Variants in NRG3 observed in about 807,000 individuals in gnomAD.
The protein encoded by NRG3 is pro-neuregulin-3, membrane-bound isoform.
Under a neutral mutation model 66.9 loss-of-function variants are expected in NRG3, and 31 were observed. That is an observed-to-expected ratio of 0.46 (90% CI 0.35 to 0.63). NRG3 has a LOEUF of 0.63. Ranked by LOEUF, NRG3 falls within the 20% of genes least tolerant of loss-of-function variation. The probability of loss-of-function intolerance (pLI) is 0.00; values close to 1 mark genes in which losing one functional copy is unlikely to be tolerated. For missense variants in NRG3, 910 were observed against 878.9 expected (o/e 1.04, Z -0.45); for synonymous variants, 393 against 359.4 (o/e 1.09, Z -1.06).
rs752583872 is a variant in NRG3, at chr10:82,339,558, G to A, written c.824-19181G>A. On this transcript the variant is annotated intron_variant, in intron 1 of 8. Coordinates refer to ENST00000372141, the MANE Select transcript of NRG3 (RefSeq NM_001010848.4). ...CTCCCACCAGGTCCTTTCCACACACGGAGATTATGGGGATTACGATTCAAG... is the reference window on the plus strand; with the variant it reads ...CTCCCACCAGGTCCTTTCCACACACAGAGATTATGGGGATTACGATTCAAG... Among the ~76,000 whole-genome samples, 4 of 152,102 alleles carry A rather than the reference G, an allele frequency of 2.6e-5. No homozygotes were observed. In the South Asian group the frequency reaches 6.2e-4, roughly 24 times the overall value.
chr10:82,030,696 T>G (rs1196130595), intron 1 of NRG3, among the ~76,000 whole-genome samples: 6 of 138,630 alleles, frequency 4.3e-5, no homozygotes, highest in African/African-American at 1.8e-4. Flanking sequence ...AATGTCTAAT[T>G]TGGAAAAAAA....
chr10:81,898,040 T>G (rs1843683442), intron 1 of NRG3, among the ~76,000 whole-genome samples: 1 of 152,166 alleles, frequency 6.6e-6, no homozygotes, highest in South Asian at 2.1e-4. Context: ...GTAGTTTTTA[T>G]AAAGTTCCCC....
chr10:82,304,940 T>G lies in NRG3; in HGVS notation c.824-53799T>G, dbSNP rs192654594. Among the ~76,000 whole-genome samples the G allele has an allele frequency of 4.6e-5, 7 of 151,818 alleles. No individual in the cohort carries two copies. In the East Asian group the frequency reaches 9.7e-4, roughly 21 times the overall value. ...GACTATCACAGATCTTCTTGAAATTTCTCATCTTCTGGTTTGCATGTTTAT... is the reference window on the plus strand; with the variant it reads ...GACTATCACAGATCTTCTTGAAATTGCTCATCTTCTGGTTTGCATGTTTAT... On this transcript the variant is annotated intron_variant, in intron 1 of 8. Coordinates refer to ENST00000372141, the MANE Select transcript of NRG3 (RefSeq NM_001010848.4).
At chr10:82,417,500 T>C (rs1040591967) in intron 2 of NRG3, among the ~76,000 whole-genome samples, 5 of 152,198 alleles carry the variant, frequency 3.3e-5, no homozygotes, top group Non-Finnish European at 5.9e-5. Context: ...ACAGTGTTTA[T>C]GTCATTCTAT....
At chr10:82,518,672 G>T (rs769864243) in intron 2 of NRG3, among the ~76,000 whole-genome samples, 11 of 151,970 alleles carry the variant, frequency 7.2e-5, no homozygotes, top group Non-Finnish European at 1.3e-4. Flanking sequence ...ATTAACACTG[G>T]CTGGAGGTTT....
intron 4 of NRG3, among the ~76,000 whole-genome samples, chr10:82,877,506 T>G (rs1267337172): frequency 6.7e-6 from 1 of 148,248 alleles, no homozygotes; most frequent in Non-Finnish European, 1.5e-5. Context: ...CCTGAGTAGC[T>G]GGGATTACAG....
intron 1 of NRG3, among the ~76,000 whole-genome samples, chr10:82,054,959 G>A (rs1322500766): frequency 4.6e-5 from 7 of 151,862 alleles, no homozygotes; most frequent in African/African-American, 1.5e-4. Flanking sequence ...GTTACAGTGA[G>A]CTAGATCATA....
intron 2 of NRG3, among the ~76,000 whole-genome samples, chr10:82,555,474 G>A (rs1311192263): frequency 6.6e-6 from 1 of 152,088 alleles, no homozygotes; most frequent in Non-Finnish European, 1.5e-5. Flanking sequence ...AATTCATAGA[G>A]CTTCTTTTTT....
intron 2 of NRG3, among the ~76,000 whole-genome samples, chr10:82,529,784 G>T (rs147913183): frequency 6.6e-6 from 1 of 152,142 alleles, no homozygotes; most frequent in Non-Finnish European, 1.5e-5. Context: ...AGGAAACTGT[G>T]CCTAAGGATG....
intron 2 of NRG3, among the ~76,000 whole-genome samples, chr10:82,574,610 G>A (rs950873821): frequency 6.6e-6 from 1 of 151,726 alleles, no homozygotes; most frequent in African/African-American, 2.4e-5. Context: ...GGATCATAAT[G>A]CATTGTATAC....
intron 1 of NRG3, among the ~76,000 whole-genome samples, chr10:82,115,827 T>C (rs1364116038): frequency 1.3e-5 from 2 of 152,138 alleles, no homozygotes; most frequent in Admixed American, 1.3e-4. Flanking sequence ...GCTCAGTAAA[T>C]GCCTCTGGTG....
chr10:82,550,463 T>A (rs564275838), intron 2 of NRG3, among the ~76,000 whole-genome samples: 6 of 152,132 alleles, frequency 3.9e-5, no homozygotes, highest in Non-Finnish European at 7.4e-5. Flanking sequence ...CATTTCCCAA[T>A]AGGACTCTTC....
At position 82,328,043 on chromosome 10, in the gene NRG3, G is replaced by A. The variant is rs115727881; in HGVS notation, c.824-30696G>A. On this transcript the variant is annotated intron_variant, in intron 1 of 8. Transcript: ENST00000372141. ...CTGTCTCCAAAAACAGTCACATTGC[G>A]GGGTTAGGGCTTCAACTTGTGAATT... Among the ~76,000 whole-genome samples, 484 of 152,222 alleles carry A rather than the reference G, an allele frequency of 3.2e-3. 1 individual carries two copies. Among genetic ancestry groups the A allele is most frequent in the African/African-American group, 0.011 (464 of 41,526 alleles).
At chr10:81,914,347 T>C (rs958570911) in intron 1 of NRG3, among the ~76,000 whole-genome samples, 1 of 152,114 alleles carries the variant, frequency 6.6e-6, no homozygotes. Flanking sequence ...TAAATTCCAG[T>C]AGGTCTTTCA....
chr10:82,349,435 G>A lies in NRG3; in HGVS notation c.824-9304G>A, dbSNP rs546803179. 4.7e-3 allele frequency among the ~76,000 whole-genome samples: 712 copies of A among 150,926 alleles called. 4 individuals carry two copies. The highest frequency in any genetic ancestry group is 0.017 in the African/African-American group (682 of 41,108). On this transcript the variant is annotated intron_variant, in intron 1 of 8. Transcript: ENST00000372141. ...CAGTCTGCCCGTTCTCAGATCTCCA[G>A]CTGCGTACTGGGAGAACCACTGCTC... is the stretch of plus-strand genomic sequence containing the variant.
At chr10:82,649,615 G>C (rs191500804) in intron 2 of NRG3, among the ~76,000 whole-genome samples, 1 of 151,632 alleles carries the variant, frequency 6.6e-6, no homozygotes, top group African/African-American at 2.4e-5. Context: ...CACCACGCCC[G>C]GCTAATTTTT....
At chr10:82,314,406 G>A (rs2135029988) in intron 1 of NRG3, among the ~76,000 whole-genome samples, 1 of 151,976 alleles carries the variant, frequency 6.6e-6, no homozygotes, top group Non-Finnish European at 1.5e-5. Flanking sequence ...CAGGGACCCC[G>A]GAGATCATCT....
intron 3 of NRG3, among the ~76,000 whole-genome samples, chr10:82,844,067 A>G (rs1239771567): frequency 6.6e-6 from 1 of 152,232 alleles, no homozygotes; most frequent in East Asian, 1.9e-4. Context: ...AACTAAGACT[A>G]TGAATGCCAT....
At chr10:82,181,460 A>T (rs1246200737) in intron 1 of NRG3, among the ~76,000 whole-genome samples, 1 of 151,678 alleles carries the variant, frequency 6.6e-6, no homozygotes, top group East Asian at 1.9e-4. Context: ...GTATGCTGTG[A>T]CTTATTTTCA....
Sources: gnomAD v4.1 joint callset for allele counts (sites outside exome capture counted in the v4.1 genomes callset) on GRCh38, gnomAD v4.1.1 for gene constraint, MANE v1.5 for transcripts, NCBI Gene and HGNC (gene_info 2026-07-23, HGNC 2026-07-21) for gene names.